The following PRKCE variants were observed in gnomAD, a reference collection of about 807,000 sequenced individuals.
PRKCE encodes protein kinase C epsilon.
Under a neutral mutation model 85.4 loss-of-function variants are expected in PRKCE, and 16 were observed. The observed-to-expected ratio is 0.19, with a 90% CI of 0.13 to 0.28. PRKCE has a LOEUF of 0.28. PRKCE is among the 10% of genes least tolerant of loss of function. PRKCE has a pLI of 1.00. For missense variants in PRKCE, 573 were observed against 975.2 expected (o/e 0.59, Z 5.49); for synonymous variants, 388 against 371.5 (o/e 1.04, Z -0.51).
intron 10 of PRKCE, among the ~76,000 whole-genome samples, chr2:46,014,630 A>T (rs1265956156): frequency 6.6e-6 from 1 of 152,212 alleles, no homozygotes. Flanking sequence ...TAATTGTTTC[A>T]ATTACAAGTC....
At chr2:45,681,047 T>C (rs1403997108) in intron 1 of PRKCE, among the ~76,000 whole-genome samples, 1 of 152,066 alleles carries the variant, frequency 6.6e-6, no homozygotes, top group Non-Finnish European at 1.5e-5. Context: ...TCCCAGCACT[T>C]TGGGAGGCCG....
intron 10 of PRKCE, among the ~76,000 whole-genome samples, chr2:46,031,983 A>G (rs1707554062): frequency 6.6e-6 from 1 of 152,148 alleles, no homozygotes; most frequent in African/African-American, 2.4e-5. Flanking sequence ...TACTTTTCAG[A>G]CATTTATTTG....
chr2:45,892,865 C>A (rs571455406), intron 2 of PRKCE, among the ~76,000 whole-genome samples: 4 of 152,126 alleles, frequency 2.6e-5, no homozygotes, highest in Non-Finnish European at 4.4e-5. Context: ...GCAGAAAGAG[C>A]GACCAGAAAT....
chr2:45,797,794 G>A (rs929640672), intron 1 of PRKCE, among the ~76,000 whole-genome samples: 6 of 152,198 alleles, frequency 3.9e-5, no homozygotes, highest in African/African-American at 1.2e-4. Flanking sequence ...TTTGGCGCTT[G>A]GCGCTTTCAG....
At chr2:46,061,845 TTTC>T (rs1329266440) in intron 10 of PRKCE, among the ~76,000 whole-genome samples, 1 of 133,124 alleles carries the variant, frequency 7.5e-6, no homozygotes, top group East Asian at 2.0e-4. Context: ...TTTCTTTTCT[TTTC>T]TTTTCTTTTT....
intron 1 of PRKCE, among the ~76,000 whole-genome samples, chr2:45,740,163 A>C (rs1280998655): frequency 6.6e-6 from 1 of 150,648 alleles, no homozygotes; most frequent in African/African-American, 2.4e-5. Context: ...AAAAAAAAGG[A>C]CTTATTCACT....
At chr2:46,025,577 C>G (rs1707040354) in intron 10 of PRKCE, among the ~76,000 whole-genome samples, 1 of 152,166 alleles carries the variant, frequency 6.6e-6, no homozygotes, top group Admixed American at 6.5e-5. Flanking sequence ...CGTTGAAGTG[C>G]CCCTTCCGGG....
chr2:45,807,645 C>T (rs1026997465), intron 1 of PRKCE, among the ~76,000 whole-genome samples: 3 of 152,200 alleles, frequency 2.0e-5, no homozygotes, highest in Admixed American at 2.0e-4. Context: ...GCCCAACATT[C>T]ATGGCTAACA....
At position 46,187,619 on chromosome 2, in the gene PRKCE, G is replaced by C. The variant is rs1680542105; in HGVS notation, c.*2738G>C. ...AAACAAAGCCAAAAAATATATGAAG[G>C]ATAGCTGTTCTTCTGTGTTCTCTCA... On this transcript the variant is annotated 3_prime_UTR_variant, in exon 15 of 15. Coordinates refer to ENST00000306156, the MANE Select transcript of PRKCE (RefSeq NM_005400.3). 6.6e-6 allele frequency: 1 copy of C among 151,224 alleles called. No homozygotes were observed. The highest frequency in any genetic ancestry group is 2.1e-4 in the South Asian group (1 of 4,782). 9.4% of individuals were successfully genotyped at this position (151,224 alleles called of 1,614,324 possible).
chr2:46,099,456 C>G (rs546073282), intron 11 of PRKCE, among the ~76,000 whole-genome samples: 1 of 151,904 alleles, frequency 6.6e-6, no homozygotes, highest in East Asian at 1.9e-4. Context: ...CACCCTGTAC[C>G]TTTGCTTAGG....
chr2:45,772,386 A>T (rs188171997), intron 1 of PRKCE, among the ~76,000 whole-genome samples: 4 of 152,274 alleles, frequency 2.6e-5, no homozygotes, highest in African/African-American at 9.6e-5. Flanking sequence ...TGGTAGAAGT[A>T]AGGAGGGATT....
At chr2:45,792,770 G>A (rs1687133081) in intron 1 of PRKCE, among the ~76,000 whole-genome samples, 1 of 152,160 alleles carries the variant, frequency 6.6e-6, no homozygotes, top group South Asian at 2.1e-4. Context: ...ATTTTGTCGT[G>A]AGCACTGATA....
rs529240341 is a variant in PRKCE, at chr2:45,887,140, G to A, written c.412+44077G>A. Among the ~76,000 whole-genome samples the A allele has an allele frequency of 9.2e-5, 14 of 152,296 alleles. No individual in the cohort carries two copies. The East Asian group carries it at 2.1e-3, about 23-fold the overall frequency. ...TTGCTCCTCCAGAAGTTTTAGCCTC[G>A]TTCCTGCTTGATAGGCAGGGCCTCC... On this transcript the variant is annotated intron_variant, in intron 2 of 14. Coordinates refer to ENST00000306156, the MANE Select transcript of PRKCE (RefSeq NM_005400.3).
intron 1 of PRKCE, among the ~76,000 whole-genome samples, chr2:45,751,679 A>G (rs190433939): frequency 2.8e-4 from 42 of 152,264 alleles, no homozygotes; most frequent in African/African-American, 8.9e-4. Flanking sequence ...TCAGAATGTA[A>G]TCGACTTTAA....
intron 10 of PRKCE, among the ~76,000 whole-genome samples, chr2:46,080,558 T>G (rs1228934107): frequency 2.6e-5 from 4 of 152,158 alleles, no homozygotes; most frequent in African/African-American, 9.7e-5. Flanking sequence ...GACGCAGACA[T>G]AATAGGAACC....
intron 9 of PRKCE, 105 bp from the exon 10 acceptor site, chr2:46,010,239 T>C: frequency 7.8e-7 from 1 of 1,283,104 alleles, no homozygotes; most frequent in Non-Finnish European, 1.0e-6. Flanking sequence ...TATTTAAAAT[T>C]AAAGAAAAAA....
At chr2:46,154,585 A>G (rs910797052) in intron 13 of PRKCE, among the ~76,000 whole-genome samples, 2 of 151,694 alleles carry the variant, frequency 1.3e-5, no homozygotes, top group Admixed American at 1.3e-4. Flanking sequence ...CCTCCGTGTT[A>G]AAGTCCTCCT....
intron 10 of PRKCE, among the ~76,000 whole-genome samples, chr2:46,053,359 T>G (rs1708972808): frequency 6.6e-6 from 1 of 152,174 alleles, no homozygotes. Context: ...TAGGTAAAAT[T>G]TACCATCTTA....
At chr2:45,866,097 G>A (rs926112176) in intron 2 of PRKCE, among the ~76,000 whole-genome samples, 14 of 152,128 alleles carry the variant, frequency 9.2e-5, no homozygotes, top group African/African-American at 3.1e-4. Flanking sequence ...TGGGATTACA[G>A]GCATGAGCCA....
Sources: gnomAD v4.1 joint callset for allele counts (sites outside exome capture counted in the v4.1 genomes callset) on GRCh38, gnomAD v4.1.1 for gene constraint, MANE v1.5 for transcripts, NCBI Gene and HGNC (gene_info 2026-07-23, HGNC 2026-07-21) for gene names.